Variants in EML6 observed in about 807,000 individuals in gnomAD.
EML6 encodes the protein EMAP like 6, also known as echinoderm microtubule-associated protein-like 6.
EML6 carries 154 observed loss-of-function variants against 240.1 expected under a neutral mutation model. That is an observed-to-expected ratio of 0.64 (90% confidence interval 0.56 to 0.73). The LOEUF is 0.73. Ranked by LOEUF, EML6 falls within the 30% of genes least tolerant of loss-of-function variation. The probability of loss-of-function intolerance (pLI) is 0.00; values close to 1 mark genes in which losing one functional copy is unlikely to be tolerated. For missense variants in EML6, 2,964 were observed against 2,474.6 expected, an observed-to-expected ratio of 1.20 and a Z score of -4.20; for synonymous variants, 1,148 against 899.0, an observed-to-expected ratio of 1.28 and a Z score of -4.95.
At chr2:54,866,625 A>C (rs1670983519) in intron 13 of EML6, 141 bp from the exon 14 acceptor site, 4 of 463,182 alleles carry the variant, frequency 8.6e-6, no homozygotes, top group South Asian at 1.1e-4. Flanking sequence ...CATTAGGAAA[A>C]AGTAATATTC....
intron 2 of EML6, among the ~76,000 whole-genome samples, chr2:54,770,328 C>T (rs1668355100): frequency 6.6e-6 from 1 of 152,174 alleles, no homozygotes; most frequent in Non-Finnish European, 1.5e-5. Context: ...GACATTTGGT[C>T]ACTCTAAAAG....
rs893723999 is a variant in EML6, at chr2:54,725,711, G to T, written c.197+453G>T. ...AGATCTAAAAGAAATTTTACTACTGGTAATTTGGAATCTTCATCTCAGATG... is the reference window on the plus strand; with the variant it reads ...AGATCTAAAAGAAATTTTACTACTGTTAATTTGGAATCTTCATCTCAGATG... On this transcript the variant is annotated intron_variant, in intron 2 of 41. Coordinates refer to ENST00000356458, the MANE Select transcript of EML6 (RefSeq NM_001039753.4). The surrounding 1 kb of genome is among the most constrained non-coding windows in gnomAD (Gnocchi z 4.3). Among the ~76,000 whole-genome samples the T allele has an allele frequency of 6.6e-6, 1 of 152,190 alleles. No homozygotes were observed. The highest frequency in any genetic ancestry group is 1.5e-5 in the Non-Finnish European group (1 of 68,036).
intron 17 of EML6, among the ~76,000 whole-genome samples, chr2:54,884,856 A>G (rs891577838): frequency 6.6e-6 from 1 of 152,156 alleles, no homozygotes; most frequent in Non-Finnish European, 1.5e-5. Context: ...ATGATTTTGT[A>G]TCTAGGGAGA....
intron 4 of EML6, 133 bp from the exon 5 acceptor site, chr2:54,820,261 C>G (rs1170319362): frequency 1.7e-6 from 1 of 599,488 alleles, no homozygotes; most frequent in Non-Finnish European, 2.9e-6. Context: ...CAAGCCAAAT[C>G]TTCCATTTTT....
At chr2:54,731,298 A>G (rs1683155767) in intron 2 of EML6, among the ~76,000 whole-genome samples, 1 of 152,152 alleles carries the variant, frequency 6.6e-6, no homozygotes, top group African/African-American at 2.4e-5. Context: ...CAAATATTCC[A>G]TTCAGTTATT....
chr2:54,731,220 T>C (rs572058046), intron 2 of EML6, among the ~76,000 whole-genome samples: 1 of 152,354 alleles, frequency 6.6e-6, no homozygotes, highest in East Asian at 1.9e-4. Context: ...GTCATTGTAA[T>C]TCTCATCCAG....
At chr2:54,881,161 T>A (rs1671788154) in intron 17 of EML6, 1 of 152,196 alleles carries the variant, frequency 6.6e-6, no homozygotes, top group Non-Finnish European at 1.5e-5. Flanking sequence ...TAGCCAGTGC[T>A]GTTTCCAAGC....
intron 32 of EML6, among the ~76,000 whole-genome samples, chr2:54,957,106 AATT>A (rs2104513722): frequency 6.6e-6 from 1 of 152,316 alleles, no homozygotes; most frequent in Non-Finnish European, 1.5e-5. Flanking sequence ...AAATAGGAAC[AATT>A]ATTAGCCCCA....
chr2:54,907,921 TAGATAGATAGATAGATAGATAGATAAGA>T (rs1427982049), intron 24 of EML6, among the ~76,000 whole-genome samples: 1 of 50,840 alleles, frequency 2.0e-5, no homozygotes, highest in Non-Finnish European at 4.5e-5. Context: ...GATAGATAGA[TAGATAGATAGATAGATAGATAGATAAGA>T]TAGATAGATA....
Position 54,942,036 on chromosome 2 carries a change from A to G in EML6, c.4005-6846A>G, listed in dbSNP as rs190217547. On this transcript the variant is annotated intron_variant, in intron 28 of 41. Transcript: ENST00000356458. ...CTGAATCATTCGTTGATTTTTTTCT[A>G]AGTGAATATGATGCTATTTTCATAA... is the stretch of plus-strand genomic sequence containing the variant. 2.7e-3 allele frequency among the ~76,000 whole-genome samples: 413 copies of G among 152,320 alleles called. 3 individuals carry two copies. The highest frequency in any genetic ancestry group is 9.7e-3 in the African/African-American group (403 of 41,558).
intron 2 of EML6, among the ~76,000 whole-genome samples, chr2:54,812,426 T>G (rs1488776653): frequency 6.6e-6 from 1 of 152,176 alleles, no homozygotes; most frequent in African/African-American, 2.4e-5. Context: ...GTTTACACAA[T>G]GAGCTAGTTT....
intron 25 of EML6, among the ~76,000 whole-genome samples, chr2:54,915,078 T>C (rs1673838906): frequency 6.6e-6 from 1 of 152,212 alleles, no homozygotes; most frequent in African/African-American, 2.4e-5. Flanking sequence ...CCTTGAGGAC[T>C]CTCCTTCCAT....
At chr2:54,814,774 A>G (rs1411210892) in intron 3 of EML6, among the ~76,000 whole-genome samples, 1 of 152,216 alleles carries the variant, frequency 6.6e-6, no homozygotes, top group Non-Finnish European at 1.5e-5. Flanking sequence ...GAGAGCATCG[A>G]TCACTAGTCA....
At chr2:54,895,192 C>T (rs562513747) in intron 20 of EML6, 81 bp from the exon 21 acceptor site, 29 of 1,470,068 alleles carry the variant, frequency 2.0e-5, no homozygotes, top group Admixed American at 4.1e-5. Flanking sequence ...GTACCTAGTT[C>T]TTTGGAGCTA....
At chr2:54,920,054 A>G (rs1027079616) in intron 26 of EML6, among the ~76,000 whole-genome samples, 6 of 152,228 alleles carry the variant, frequency 3.9e-5, no homozygotes, top group African/African-American at 1.4e-4. Flanking sequence ...AATTTAAAGT[A>G]AACTGTAGAA....
Position 54,928,372 on chromosome 2 carries a change from G to T in EML6, c.3735G>T (p.Arg1245Ser). The change falls in exon 27 of 42, where the codon AGG becomes AGT. Residue 1245 changes from arginine (R) to serine (S), a missense_variant. Transcript: ENST00000356458. ...VGHSAHVTNV[R>S]WLHNDSVLLT... ...ACAGTGCACATGTCACTAACGTGAG[G>T]TGGCTGCACAATGACTCTGTGCTGC... 6.4e-7 allele frequency: 1 copy of T among 1,552,066 alleles called. No individual in the cohort carries two copies. Among genetic ancestry groups the T allele is most frequent in the African/African-American group, 1.4e-5 (1 of 73,086 alleles).
chr2:54,918,885 A>G (rs1446526264), intron 26 of EML6, among the ~76,000 whole-genome samples: 1 of 152,238 alleles, frequency 6.6e-6, no homozygotes, highest in East Asian at 1.9e-4. Context: ...CTGTCTGGTT[A>G]TCACTACTTC....
At chr2:54,817,210 G>T (rs1435669205) in intron 4 of EML6, among the ~76,000 whole-genome samples, 1 of 152,172 alleles carries the variant, frequency 6.6e-6, no homozygotes, top group Admixed American at 6.5e-5. Context: ...GGAAATAGTT[G>T]TTAGAAAATA....
chr2:54,964,210 A>ACC, intron 37 of EML6, 52 bp downstream of exon 37: 1 of 1,514,330 alleles, frequency 6.6e-7, no homozygotes. Context: ...CATTCTGCTT[A>ACC]CCAGTGGTTC....
Sources: allele counts gnomAD v4.1 joint callset (sites outside exome capture counted in the v4.1 genomes callset), GRCh38; gene constraint gnomAD v4.1.1; non-coding constraint Gnocchi (gnomAD v3.1); transcripts MANE v1.5; gene names NCBI Gene and HGNC (gene_info 2026-07-23, HGNC 2026-07-21).